Variants in NRG3 observed in about 807,000 individuals in gnomAD.
NRG3 encodes pro-neuregulin-3, membrane-bound isoform.
In NRG3, 31 loss-of-function variants were observed where a neutral mutation model predicts 66.9. That is an observed-to-expected ratio of 0.46 (90% confidence interval 0.35 to 0.63). The LOEUF (loss-of-function observed/expected upper bound fraction) is 0.63, where lower values mean the gene tolerates loss of function less well. Ranked by LOEUF, NRG3 falls within the 20% of genes least tolerant of loss-of-function variation. NRG3 has a pLI of 0.00. For synonymous variants in NRG3, 393 were observed against 359.4 expected (o/e 1.09, Z -1.06); for missense variants, 910 against 878.9 (o/e 1.04, Z -0.45).
intron 1 of NRG3, among the ~76,000 whole-genome samples, chr10:82,287,398 C>T (rs953375889): frequency 2.0e-5 from 3 of 152,234 alleles, no homozygotes; most frequent in South Asian, 2.1e-4. Flanking sequence ...GCTTCCTATA[C>T]AGCCTGCAGA....
chr10:81,925,162 AT>A (rs1305799679), intron 1 of NRG3, among the ~76,000 whole-genome samples: 4 of 152,186 alleles, frequency 2.6e-5, no homozygotes, highest in African/African-American at 4.8e-5. Flanking sequence ...CATCAAAATG[AT>A]TTTATTAAAG....
intron 2 of NRG3, among the ~76,000 whole-genome samples, chr10:82,372,446 A>G (rs1397941179): frequency 1.1e-4 from 16 of 152,226 alleles, no homozygotes; most frequent in Non-Finnish European, 1.5e-5. Flanking sequence ...CGATTCTTCA[A>G]GCCTAACAAG....
At chr10:82,909,024 A>G (rs1487896672) in intron 4 of NRG3, among the ~76,000 whole-genome samples, 1 of 152,210 alleles carries the variant, frequency 6.6e-6, no homozygotes, top group African/African-American at 2.4e-5. Context: ...CCCCATTAGC[A>G]CTGTCCTCCA....
At chr10:82,431,050 A>C (rs1433621905) in intron 2 of NRG3, among the ~76,000 whole-genome samples, 1 of 152,112 alleles carries the variant, frequency 6.6e-6, no homozygotes, top group East Asian at 1.9e-4. Flanking sequence ...TATTTTCCTG[A>C]TATTTAAGGG....
At chr10:82,109,535 TTG>T (rs747213240) in intron 1 of NRG3, among the ~76,000 whole-genome samples, 8,098 of 138,676 alleles carry the variant, frequency 0.058, 266 homozygotes, top group East Asian at 0.1. Flanking sequence ...AAGAATAAGA[TTG>T]TGTGTGTGTG....
intron 1 of NRG3, among the ~76,000 whole-genome samples, chr10:82,202,998 G>C (rs762964125): frequency 6.6e-6 from 1 of 152,146 alleles, no homozygotes; most frequent in Non-Finnish European, 1.5e-5. Flanking sequence ...AGATTAACTG[G>C]AGGCACATTA....
intron 2 of NRG3, among the ~76,000 whole-genome samples, chr10:82,591,095 A>G (rs1416760457): frequency 6.6e-6 from 1 of 152,144 alleles, no homozygotes; most frequent in Admixed American, 6.5e-5. Context: ...ACCACATTTC[A>G]TATTCTTTTC....
chr10:82,232,674 C>A, intron 1 of NRG3: 1 of 699,944 alleles, frequency 1.4e-6, no homozygotes, highest in Non-Finnish European at 2.7e-6. Context: ...ATGAGACAAT[C>A]GGCCAGATGG....
At chr10:82,297,506 A>T (rs2080141157) in intron 1 of NRG3, among the ~76,000 whole-genome samples, 1 of 152,048 alleles carries the variant, frequency 6.6e-6, no homozygotes, top group South Asian at 2.1e-4. Context: ...GGAGCTTTTG[A>T]CTGGTTTCTC....
chr10:82,264,905 G>A (rs571572142), intron 1 of NRG3, among the ~76,000 whole-genome samples: 1 of 151,992 alleles, frequency 6.6e-6, no homozygotes, highest in South Asian at 2.1e-4. Flanking sequence ...AGGGAGGGAA[G>A]TGAGCCAGTG....
intron 2 of NRG3, among the ~76,000 whole-genome samples, chr10:82,550,744 G>T (rs754520460): frequency 4.6e-5 from 7 of 152,156 alleles, no homozygotes; most frequent in Non-Finnish European, 1.0e-4. Flanking sequence ...AAATAATGAA[G>T]TGTTTCCTCC....
At chr10:82,803,493 A>C (rs1046024851) in intron 3 of NRG3, among the ~76,000 whole-genome samples, 2 of 152,200 alleles carry the variant, frequency 1.3e-5, no homozygotes, top group Admixed American at 1.3e-4. Flanking sequence ...ATGTTAGTTC[A>C]ATAATCTCAT....
chr10:82,727,517 A>G (rs775182530), intron 2 of NRG3, among the ~76,000 whole-genome samples: 3 of 152,236 alleles, frequency 2.0e-5, no homozygotes, highest in Non-Finnish European at 4.4e-5. Context: ...CAGGTACACA[A>G]AAGTCAAGAA....
intron 3 of NRG3, among the ~76,000 whole-genome samples, chr10:82,772,614 C>T (rs981715050): frequency 6.6e-6 from 1 of 151,344 alleles, no homozygotes; most frequent in Non-Finnish European, 1.5e-5. Context: ...TTTCACTTAA[C>T]ATAAGGTCTT....
At chr10:81,930,346 G>A (rs1402607092) in intron 1 of NRG3, among the ~76,000 whole-genome samples, 1 of 152,008 alleles carries the variant, frequency 6.6e-6, no homozygotes, top group African/African-American at 2.4e-5. Flanking sequence ...AAATTCACTA[G>A]AATGACACAG....
intron 1 of NRG3, among the ~76,000 whole-genome samples, chr10:82,007,700 G>T (rs1189474510): frequency 6.6e-6 from 1 of 151,538 alleles, no homozygotes; most frequent in Non-Finnish European, 1.5e-5. Flanking sequence ...TTTTATTTTT[G>T]TGCTATTTTA....
intron 2 of NRG3, among the ~76,000 whole-genome samples, chr10:82,524,441 C>T (rs1846488599): frequency 6.6e-6 from 1 of 151,884 alleles, no homozygotes; most frequent in Non-Finnish European, 1.5e-5. Flanking sequence ...AAATAATTCA[C>T]TGGGGTATCA....
At chr10:82,412,356 A>G (rs967756018) in intron 2 of NRG3, among the ~76,000 whole-genome samples, 2 of 152,326 alleles carry the variant, frequency 1.3e-5, no homozygotes, top group East Asian at 1.9e-4. Context: ...TTCCCAGTGC[A>G]TATACAAGTT....
intron 3 of NRG3, among the ~76,000 whole-genome samples, chr10:82,744,335 G>C (rs1384439020): frequency 6.6e-6 from 1 of 152,168 alleles, no homozygotes. Context: ...TATTGTGAAT[G>C]CTAGGAAGTC....
Sources: gnomAD v4.1 joint callset for allele counts (sites outside exome capture counted in the v4.1 genomes callset) on GRCh38, gnomAD v4.1.1 for gene constraint, MANE v1.5 for transcripts, NCBI Gene and HGNC (gene_info 2026-07-23, HGNC 2026-07-21) for gene names.